The following IRX2 variants were observed in gnomAD, a reference collection of about 807,000 sequenced individuals.
IRX2 encodes iroquois-class homeodomain protein IRX-2.
A neutral mutation model predicts 42.9 loss-of-function variants in IRX2; 26 were observed. The ratio of observed to expected loss-of-function variants is 0.61; its 90% CI spans 0.44 to 0.84. The LOEUF is 0.84. IRX2 is among the 40% of genes least tolerant of loss of function. The pLI is 0.00. For missense variants in IRX2, 782 were observed against 713.9 expected (o/e 1.10, Z -1.09); for synonymous variants, 424 against 353.9 (o/e 1.20, Z -2.22).
chr5:2,748,894 C>G lies in IRX2; in HGVS notation c.814G>C (p.Glu272Gln). The change falls in exon 3 of 4, where the codon GAG (glutamate) becomes CAG (glutamine). Residue 272 changes from glutamate (E) to glutamine (Q), a missense_variant. Physicochemically the swap from Glu to Gln is conservative, Grantham distance 29 (BLOSUM62 2). Coordinates refer to ENST00000302057, the MANE Select transcript of IRX2 (RefSeq NM_033267.5). ...DLEDDEDDDE[E>Q]GERGLAPPKP... Reference sequence around the variant, plus strand: ...GGCGGCGCCAGGCCCCGCTCGCCCTCCTCGTCGTCGTCCTCGTCGTCCTCC... The same window carrying G: ...GGCGGCGCCAGGCCCCGCTCGCCCTGCTCGTCGTCGTCCTCGTCGTCCTCC... The G allele has an allele frequency of 6.3e-7, 1 of 1,595,962 alleles. No individual in the cohort carries two copies. Among genetic ancestry groups the G allele is most frequent in the Non-Finnish European group, 8.5e-7 (1 of 1,179,082 alleles).
At chr5:2,736,887 T>C in the IRX2 span, 1 of 152,372 alleles carries the variant, frequency 6.6e-6, no homozygotes, top group African/African-American at 2.4e-5. Flanking sequence ...TTTCTCTCAT[T>C]TGAAAACGTA....
chr5:2,749,195 T>A (rs1737825592), intron 2 of IRX2, 143 bp from the exon 3 acceptor site: 1 of 1,464,606 alleles, frequency 6.8e-7, no homozygotes, highest in Non-Finnish European at 9.0e-7. Context: ...AGGCGGAGCC[T>A]GACCTCCCCG....
chr5:2,746,993 A>G lies in IRX2; in HGVS notation c.*571T>C, dbSNP rs1579624338. ...ATGTCAGAGTCCTGTCCACTTGGAC[A>G]TGGGTGGAGGGGAGGTTGGACAGGG... On this transcript the variant is annotated 3_prime_UTR_variant, in exon 4 of 4. Transcript: ENST00000302057. 1 of 152,206 alleles carries G rather than the reference A, an allele frequency of 6.6e-6. No individual in the cohort carries two copies. The highest frequency in any genetic ancestry group is 6.5e-5 in the Admixed American group (1 of 15,268). 9.4% of individuals were successfully genotyped at this position (152,206 alleles called of 1,614,324 possible). A position where few individuals can be genotyped will look rare whatever the true frequency, so the allele number is the denominator to read the frequency against.
chr5:2,740,758 C>A, the IRX2 span, among the ~76,000 whole-genome samples: 17 of 152,122 alleles, frequency 1.1e-4, no homozygotes, highest in Non-Finnish European at 2.4e-4. Flanking sequence ...GGGCACCAGG[C>A]AGGCAGCCGG....
In IRX2 at chr5:2,751,040, T is replaced by A; in HGVS notation, c.249+125A>T. 9.0e-7 allele frequency: 1 copy of A among 1,110,128 alleles called. No individual in the cohort carries two copies. Among genetic ancestry groups the A allele is most frequent in the Non-Finnish European group, 1.1e-6 (1 of 894,342 alleles). 68.8% of individuals were successfully genotyped at this position (1,110,128 alleles called of 1,614,324 possible). On this transcript the variant is annotated intron_variant, in intron 1 of 3. Transcript: ENST00000302057. This position sits in a 1 kb window ranked among gnomAD's most constrained non-coding sequence, Gnocchi z 4.0. The stretch of plus-strand genomic sequence containing the variant: ...CGGGGCGGCCAACCGAGCCGGCGAC[T>A]CCTGAGTCGCCAGCCGCGCCACATT...
At chr5:2,740,903 A>T (rs765043220), downstream of IRX2, among the ~76,000 whole-genome samples, 7 of 152,018 alleles carry the variant, frequency 4.6e-5, no homozygotes, top group Non-Finnish European at 8.8e-5. Flanking sequence ...GCCCCCTCCG[A>T]GCTTACTGAG....
At position 2,748,338 on chromosome 5, in the gene IRX2, C is replaced by T. The variant is rs2111444811; in HGVS notation, c.1363+7G>A. ...CTCCCGGGCGCCGCCGGCCGCGGGC[C>T]GCCTACCTTTCTTGGGCTCGTAGCC... On this transcript the variant is annotated splice_region_variant and intron_variant, in intron 3 of 3. Coordinates refer to ENST00000302057, the MANE Select transcript of IRX2 (RefSeq NM_033267.5). The T allele has an allele frequency of 7.1e-7, 1 of 1,409,146 alleles. No homozygotes were observed. The highest frequency in any genetic ancestry group is 9.2e-7 in the Non-Finnish European group (1 of 1,092,808). The allele number at this position is 1,409,146 out of a possible 1,614,324, so 87.3% of individuals were successfully genotyped here. A position where few individuals can be genotyped will look rare whatever the true frequency, so the allele number is the denominator to read the frequency against.
At position 2,749,831 on chromosome 5, in the gene IRX2, G is replaced by A. The variant is rs201455902; in HGVS notation, c.250-44C>T. The stretch of plus-strand genomic sequence containing the variant: ...TGTGAGTGGAGTATGCGGAGACCCC[G>A]CGGGCAACCAGCCAGAGGATGCCAC... On this transcript the variant is annotated intron_variant, in intron 1 of 3. Coordinates refer to ENST00000302057, the MANE Select transcript of IRX2 (RefSeq NM_033267.5). 226 of 1,533,528 alleles carry A rather than the reference G, an allele frequency of 1.5e-4. 1 individual carries two copies. Among genetic ancestry groups the A allele is most frequent in the African/African-American group, 1.5e-3 (108 of 73,380 alleles). The allele number at this position is 1,533,528 out of a possible 1,614,324, so 95.0% of individuals were successfully genotyped here.
the IRX2 span, among the ~76,000 whole-genome samples, chr5:2,739,995 G>T: frequency 1.3e-5 from 2 of 151,956 alleles, no homozygotes; most frequent in Non-Finnish European, 2.9e-5. Flanking sequence ...GGAGCTCGGG[G>T]GTCCTCGCGG....
At position 2,748,436 on chromosome 5, in the gene IRX2, C is replaced by G. The variant is rs747211820; in HGVS notation, c.1272G>C (p.Ala424=). ...TGCCCGCGTCGCTGGCCGCCTTTGGCGCGGTGTGCAGGGCCTCGCCGGGGG... is the reference window on the plus strand; with the variant it reads ...TGCCCGCGTCGCTGGCCGCCTTTGGGGCGGTGTGCAGGGCCTCGCCGGGGG... The part of the protein sequence containing the change: ...AAAPGEALHT[A]PKAASDAGKA... Residue 424 remains alanine (A), a synonymous_variant, in exon 3 of 4, where the codon GCG becomes GCC. Transcript: ENST00000302057. The G allele has an allele frequency of 6.4e-7, 1 of 1,550,792 alleles. No homozygotes were observed. The highest frequency in any genetic ancestry group is 2.6e-5 in the East Asian group (1 of 38,034).
At chr5:2,743,716 A>T (rs149449296), downstream of IRX2, among the ~76,000 whole-genome samples, 113 of 152,236 alleles carry the variant, frequency 7.4e-4, 2 homozygotes, top group African/African-American at 2.5e-3. Flanking sequence ...CAAAAATAAA[A>T]TTCAGACCCC....
downstream of IRX2, among the ~76,000 whole-genome samples, chr5:2,742,272 T>C (rs897530289): frequency 3.3e-5 from 5 of 152,220 alleles, no homozygotes; most frequent in South Asian, 2.1e-4. Flanking sequence ...TTCGTAGCAT[T>C]CTAGCCCAAG....
Position 2,751,095 on chromosome 5 carries a change from C to T in IRX2, c.249+70G>A. On this transcript the variant is annotated intron_variant, in intron 1 of 3. Coordinates refer to ENST00000302057, the MANE Select transcript of IRX2 (RefSeq NM_033267.5). This position sits in a 1 kb window ranked among gnomAD's most constrained non-coding sequence, Gnocchi z 4.0. ...GCGGCCCCCGCCCGCCGAACCCGAG[C>T]CCCGCTCCGCCTGAGCCCCGTCTGG... 3 of 1,194,682 alleles carry T rather than the reference C, an allele frequency of 2.5e-6. No homozygotes were observed. The highest frequency in any genetic ancestry group is 3.1e-6 in the Non-Finnish European group (3 of 964,062). 74.0% of individuals were successfully genotyped at this position (1,194,682 alleles called of 1,614,324 possible). A position where few individuals can be genotyped will look rare whatever the true frequency, so the allele number is the denominator to read the frequency against.
chr5:2,751,544 G>A lies in IRX2; in HGVS notation c.-131C>T, dbSNP rs1737991771. On this transcript the variant is annotated 5_prime_UTR_variant, in exon 1 of 4. Coordinates refer to ENST00000302057, the MANE Select transcript of IRX2 (RefSeq NM_033267.5). This position sits in a 1 kb window ranked among gnomAD's most constrained non-coding sequence, Gnocchi z 4.0. ...ACGGCCGGCGGAGGCAGGCCGGCCC[G>A]GGTACTAGCCTGGGCGGCCCGCGGG... The A allele has an allele frequency of 1.1e-5, 6 of 537,610 alleles. No homozygotes were observed. Among genetic ancestry groups the A allele is most frequent in the South Asian group, 7.5e-5 (1 of 13,344 alleles). The allele number at this position is 537,610 out of a possible 1,614,324, so 33.3% of individuals were successfully genotyped here.
At chr5:2,742,029 A>G (rs565830392), downstream of IRX2, among the ~76,000 whole-genome samples, 150 of 152,334 alleles carry the variant, frequency 9.8e-4, no homozygotes, top group African/African-American at 3.5e-3. Context: ...TTTCTTAGAA[A>G]GAGAGAGAAC....
chr5:2,743,154 A>T (rs1349598446), downstream of IRX2, among the ~76,000 whole-genome samples: 1 of 152,144 alleles, frequency 6.6e-6, no homozygotes, highest in Non-Finnish European at 1.5e-5. Context: ...GGCGCACCCC[A>T]GGCTGGCTAC....
chr5:2,738,596 C>T, the IRX2 span, among the ~76,000 whole-genome samples: 1 of 152,118 alleles, frequency 6.6e-6, no homozygotes, highest in Non-Finnish European at 1.5e-5. Flanking sequence ...ACCCTCTCTC[C>T]ACCAGGGCTG....
At chr5:2,750,866 G>A (rs1188630479) in intron 1 of IRX2, among the ~76,000 whole-genome samples, 6 of 152,194 alleles carry the variant, frequency 3.9e-5, no homozygotes, top group African/African-American at 1.4e-4. Context: ...GCCAGACCCC[G>A]GCCCCGGCGG....
At position 2,747,118 on chromosome 5, in the gene IRX2, T is replaced by TC. The variant is rs1737695575; in HGVS notation, c.*445dup. 6.6e-6 allele frequency: 1 copy of TC among 152,138 alleles called. No individual in the cohort carries two copies. The highest frequency in any genetic ancestry group is 2.4e-5 in the African/African-American group (1 of 41,430). The allele number at this position is 152,138 out of a possible 1,614,324, so 9.4% of individuals were successfully genotyped here. A position where few individuals can be genotyped will look rare whatever the true frequency, so the allele number is the denominator to read the frequency against. On this transcript the variant is annotated 3_prime_UTR_variant, in exon 4 of 4. Coordinates refer to ENST00000302057, the MANE Select transcript of IRX2 (RefSeq NM_033267.5). The stretch of plus-strand genomic sequence containing the variant: ...TCCAAGTTTTGGTAGCCCAAGCTCA[T>TC]CAAAGCATGTGTCTATTATGTGTCT...
Sources: allele counts gnomAD v4.1 joint callset (sites outside exome capture counted in the v4.1 genomes callset), GRCh38; gene constraint gnomAD v4.1.1; non-coding constraint Gnocchi (gnomAD v3.1); transcripts MANE v1.5; gene names NCBI Gene and HGNC (gene_info 2026-07-23, HGNC 2026-07-21).